Variants in FBXO38 observed in about 807,000 individuals in gnomAD.
FBXO38 encodes the protein F-box only protein 38.
In FBXO38, 53 loss-of-function variants were observed where a neutral mutation model predicts 131.9. That is an observed-to-expected ratio of 0.40 (90% CI 0.32 to 0.51). The LOEUF is 0.51. Among genes scored for constraint, FBXO38 ranks in the 20% least tolerant of loss-of-function variants. The pLI, the probability that FBXO38 is intolerant of heterozygous loss-of-function variation, is 0.53. For missense variants in FBXO38, 1,076 were observed against 1,475.6 expected (o/e 0.73, Z 4.44); for synonymous variants, 452 against 505.6 (o/e 0.89, Z 1.42).
At chr5:148,434,336 T>A (rs1223462907) in intron 17 of FBXO38, 1 of 152,180 alleles carries the variant, frequency 6.6e-6, no homozygotes, top group East Asian at 1.9e-4. Context: ...ACATAGGGCA[T>A]TAGTTTTGTG....
At chr5:148,422,394 A>G (rs1396286961) in intron 12 of FBXO38, among the ~76,000 whole-genome samples, 1 of 152,076 alleles carries the variant, frequency 6.6e-6, no homozygotes, top group African/African-American at 2.4e-5. Flanking sequence ...CTTGACTTTT[A>G]GTTCTTAGCT....
chr5:148,441,236 A>G lies in FBXO38; in HGVS notation c.3387A>G (p.Glu1129=), dbSNP rs1415387050. 2 of 1,608,688 alleles carry G rather than the reference A, an allele frequency of 1.2e-6. No homozygotes were observed. The highest frequency in any genetic ancestry group is 8.5e-7 in the Non-Finnish European group (1 of 1,175,224). Residue 1129 remains glutamate (E), a splice_region_variant and synonymous_variant, in exon 21 of 22, where the codon GAA becomes GAG. Coordinates refer to ENST00000340253, the MANE Select transcript of FBXO38 (RefSeq NM_205836.3). The part of the protein sequence containing the change: ...FARYDFEDDE[E]STIYAPRRKG... ...GATACGACTTTGAAGACGATGAAGA[A>G]AGTAATTATGACCTGACTTGACATC...
At chr5:148,441,917 C>T (rs1754705978) in intron 21 of FBXO38, 52 bp from the exon 22 acceptor site, 1 of 1,515,592 alleles carries the variant, frequency 6.6e-7, no homozygotes, top group Non-Finnish European at 9.0e-7. Flanking sequence ...AGTGATTTTC[C>T]AAATGATTCT....
At chr5:148,436,330 A>G (rs1170108998) in intron 17 of FBXO38, among the ~76,000 whole-genome samples, 1 of 152,194 alleles carries the variant, frequency 6.6e-6, no homozygotes. Flanking sequence ...GTTAATTTGT[A>G]TTATGTTAGT....
rs750260717 is a variant in FBXO38 at position 148,427,597 on chromosome 5, CAG to C, written c.2308_2309del (p.Ser770PhefsTer19). 1 of 1,614,186 alleles carries C rather than the reference CAG, an allele frequency of 6.2e-7. No individual in the cohort carries two copies. Among genetic ancestry groups the C allele is most frequent in the Non-Finnish European group, 8.5e-7 (1 of 1,180,028 alleles). On this transcript the variant is annotated frameshift_variant, in exon 15 of 22. Transcript: ENST00000340253. LOFTEE classifies it high-confidence loss of function. Reference sequence around the variant, plus strand: ...TCTGAGGCCATGGAGGAGGGAGATGCAGAGAGTTCTGTCTGCCCCAGATGCTG... The same window carrying C: ...TCTGAGGCCATGGAGGAGGGAGATGCAGAGTTCTGTCTGCCCCAGATGCTG...
intron 1 of FBXO38, chr5:148,384,948 T>C: frequency 6.6e-6 from 1 of 152,228 alleles, no homozygotes; most frequent in Non-Finnish European, 1.5e-5. Flanking sequence ...TCCCTTCCTC[T>C]CTCTGAACTT....
intron 1 of FBXO38, among the ~76,000 whole-genome samples, chr5:148,387,927 T>C (rs1162599241): frequency 6.6e-6 from 1 of 152,110 alleles, no homozygotes; most frequent in African/African-American, 2.4e-5. Flanking sequence ...CCTGACCTTG[T>C]GATCTGCCTG....
chr5:148,421,216 G>T (rs1753407699), intron 12 of FBXO38, among the ~76,000 whole-genome samples: 1 of 152,020 alleles, frequency 6.6e-6, no homozygotes, highest in Non-Finnish European at 1.5e-5. Flanking sequence ...CGCCCACCCT[G>T]GCCTCCCAAA....
intron 1 of FBXO38, among the ~76,000 whole-genome samples, chr5:148,388,564 T>C (rs1208319395): frequency 6.6e-6 from 1 of 152,248 alleles, no homozygotes; most frequent in Admixed American, 6.5e-5. Flanking sequence ...CATTTGCTGC[T>C]TCACCTTGTG....
intron 8 of FBXO38, 60 bp from the exon 9 acceptor site, chr5:148,410,575 G>C: frequency 2.5e-6 from 4 of 1,584,284 alleles, no homozygotes; most frequent in Non-Finnish European, 3.4e-6. Context: ...ATATTAGGAG[G>C]AATCTTTGAT....
intron 17 of FBXO38, among the ~76,000 whole-genome samples, chr5:148,437,977 G>C (rs1176094657): frequency 6.6e-6 from 1 of 151,952 alleles, no homozygotes; most frequent in Non-Finnish European, 1.5e-5. Flanking sequence ...GTGAATGTAA[G>C]GTAACATAGG....
At chr5:148,405,646 G>A (rs918712419) in intron 6 of FBXO38, among the ~76,000 whole-genome samples, 1 of 152,148 alleles carries the variant, frequency 6.6e-6, no homozygotes, top group Admixed American at 6.5e-5. Context: ...CTCTTATGCT[G>A]TATTATTGTT....
At chr5:148,423,536 A>G (rs1044191756) in intron 12 of FBXO38, among the ~76,000 whole-genome samples, 1 of 152,208 alleles carries the variant, frequency 6.6e-6, no homozygotes, top group Non-Finnish European at 1.5e-5. Flanking sequence ...GTCATTTCTC[A>G]TTTTGGCAAT....
intron 2 of FBXO38, 144 bp from the exon 3 acceptor site, chr5:148,398,855 G>A (rs1034610100): frequency 2.7e-5 from 24 of 881,868 alleles, no homozygotes; most frequent in East Asian, 1.3e-4. Context: ...CTGTATGACC[G>A]TATGTGTGGT....
chr5:148,413,517 G>A (rs1752884011), intron 9 of FBXO38: 1 of 152,156 alleles, frequency 6.6e-6, no homozygotes, highest in African/African-American at 2.4e-5. Context: ...GGGATGAGGT[G>A]TGATTCTTAG....
At chr5:148,435,915 C>G (rs1754323354) in intron 17 of FBXO38, among the ~76,000 whole-genome samples, 1 of 152,112 alleles carries the variant, frequency 6.6e-6, no homozygotes, top group African/African-American at 2.4e-5. Flanking sequence ...GGGAGAGAGA[C>G]AGGGGAACAG....
chr5:148,413,343 T>G (rs1752868412), intron 9 of FBXO38: 1 of 83,324 alleles, frequency 1.2e-5, no homozygotes, highest in Admixed American at 1.2e-4. Context: ...AGTGGCAGTG[T>G]TTTTTTTTTG....
At chr5:148,439,374 C>G (rs1454917489) in intron 18 of FBXO38, among the ~76,000 whole-genome samples, 2 of 152,214 alleles carry the variant, frequency 1.3e-5, no homozygotes, top group Non-Finnish European at 2.9e-5. Flanking sequence ...TCTGAGTTGA[C>G]TGACGTCATT....
chr5:148,429,763 A>G (rs554476591), intron 15 of FBXO38, among the ~76,000 whole-genome samples: 79 of 152,086 alleles, frequency 5.2e-4, no homozygotes, highest in Non-Finnish European at 1.0e-3. Flanking sequence ...CAGAGCCTTC[A>G]TATTAGCCAT....
Sources: gnomAD v4.1 joint callset for allele counts (sites outside exome capture counted in the v4.1 genomes callset) on GRCh38, gnomAD v4.1.1 for gene constraint, MANE v1.5 for transcripts, NCBI Gene and HGNC (gene_info 2026-07-23, HGNC 2026-07-21) for gene names.